The following LRRC4C variants were observed in gnomAD, a reference collection of about 807,000 sequenced individuals.
LRRC4C encodes the protein leucine-rich repeat-containing protein 4C.
A neutral mutation model predicts 33.6 loss-of-function variants in LRRC4C; 5 were observed. The ratio of observed to expected loss-of-function variants is 0.15; its 90% CI spans 0.08 to 0.31. LRRC4C has a LOEUF of 0.31. Among genes scored for constraint, LRRC4C ranks in the 10% least tolerant of loss-of-function variants. The pLI, the probability that LRRC4C is intolerant of heterozygous loss-of-function variation, is 1.00. For missense variants in LRRC4C, 560 were observed against 796.7 expected, an observed-to-expected ratio of 0.70 and a Z score of 3.58; for synonymous variants, 329 against 302.0, an observed-to-expected ratio of 1.09 and a Z score of -0.93.
intron 1 of LRRC4C, among the ~76,000 whole-genome samples, chr11:41,271,093 C>G (rs1298543913): frequency 6.6e-6 from 1 of 152,092 alleles, no homozygotes; most frequent in Admixed American, 6.6e-5. Context: ...GTTACCTTCA[C>G]AGGTACCAGG....
At position 40,356,860 on chromosome 11, in the gene LRRC4C, T is replaced by C. The variant is rs542560668; in HGVS notation, c.-269-37139A>G. On this transcript the variant is annotated intron_variant, in intron 3 of 6. Transcript: ENST00000528697. ...TTAATATATATTTGATTTTTTAAAA[T>C]CACTTGACATGAATTACTTTATACA... Among the ~76,000 whole-genome samples, 11 of 152,296 alleles carry C rather than the reference T, an allele frequency of 7.2e-5. No homozygotes were observed. The South Asian group carries it at 2.1e-3, about 29-fold the overall frequency.
At chr11:40,190,293 C>A (rs1239792692) in intron 5 of LRRC4C, among the ~76,000 whole-genome samples, 1 of 152,164 alleles carries the variant, frequency 6.6e-6, no homozygotes, top group Non-Finnish European at 1.5e-5. Flanking sequence ...ATTGGCTGAT[C>A]ATTAGAAATC....
At chr11:40,919,351 G>C (rs888878863) in intron 2 of LRRC4C, among the ~76,000 whole-genome samples, 1 of 152,126 alleles carries the variant, frequency 6.6e-6, no homozygotes, top group Non-Finnish European at 1.5e-5. Context: ...CTTCCTTCAT[G>C]AAATTAAGAT....
chr11:40,182,903 G>A (rs929757817), intron 5 of LRRC4C, among the ~76,000 whole-genome samples: 4 of 152,148 alleles, frequency 2.6e-5, no homozygotes, highest in Non-Finnish European at 5.9e-5. Flanking sequence ...CATAATAACG[G>A]GAAGAGTTAA....
rs1866905099 is a variant in LRRC4C at position 40,252,964 on chromosome 11, A to C, written c.-175-11366T>G. Among the ~76,000 whole-genome samples the C allele has an allele frequency of 2.0e-5, 3 of 152,190 alleles. No individual in the cohort carries two copies. The South Asian group carries it at 6.2e-4, about 31-fold the overall frequency. On this transcript the variant is annotated intron_variant, in intron 4 of 6. Transcript: ENST00000528697. The stretch of plus-strand genomic sequence containing the variant: ...CCCCATTACAAAATAAAATGTTTGC[A>C]GAGATAAAATTATGGTATCTGGGTG...
Position 41,197,372 on chromosome 11 carries a change from T to C in LRRC4C, c.-496+262059A>G, listed in dbSNP as rs546150172. Among the ~76,000 whole-genome samples, 19 of 152,158 alleles carry C rather than the reference T, an allele frequency of 1.2e-4. No individual in the cohort carries two copies. In the South Asian group the frequency reaches 3.9e-3, roughly 32 times the overall value. ...GAGGAAGACAGGCTTATCATTTTAT[T>C]GGGCTCTGCAACCTGGCTGGTACCA... is the stretch of plus-strand genomic sequence containing the variant. On this transcript the variant is annotated intron_variant, in intron 1 of 6. Coordinates refer to ENST00000528697, the MANE Select transcript of LRRC4C (RefSeq NM_001258419.2).
chr11:41,114,566 C>G (rs1260434614), intron 1 of LRRC4C, among the ~76,000 whole-genome samples: 2 of 151,844 alleles, frequency 1.3e-5, no homozygotes, highest in African/African-American at 4.8e-5. Context: ...AGCACTTTCC[C>G]CCAAAAAATC....
intron 1 of LRRC4C, among the ~76,000 whole-genome samples, chr11:41,144,601 G>T (rs1276430171): frequency 6.6e-6 from 1 of 151,954 alleles, no homozygotes; most frequent in Non-Finnish European, 1.5e-5. Flanking sequence ...TATACATATG[G>T]GGTTTTATGA....
chr11:40,747,461 A>T (rs926378244), intron 2 of LRRC4C, among the ~76,000 whole-genome samples: 2 of 152,176 alleles, frequency 1.3e-5, no homozygotes, highest in Non-Finnish European at 2.9e-5. Flanking sequence ...ATTACACCAG[A>T]TGTATATATA....
intron 3 of LRRC4C, among the ~76,000 whole-genome samples, chr11:40,322,088 C>T (rs966291955): frequency 6.6e-6 from 1 of 151,902 alleles, no homozygotes; most frequent in African/African-American, 2.4e-5. Context: ...ACTCACCAAT[C>T]GATTCACTAA....
rs1954087792 is a variant in LRRC4C, at chr11:40,861,281, G to A, written c.-407+72354C>T. 2.6e-5 allele frequency among the ~76,000 whole-genome samples: 4 copies of A among 152,246 alleles called. No individual in the cohort carries two copies. The South Asian group carries it at 8.3e-4, about 32-fold the overall frequency. ...AGAAGAAGATAGAGGTGTGTGGGAAGTCTTGAACAGAAAGGTGTCAGCTCC... is the reference window on the plus strand; with the variant it reads ...AGAAGAAGATAGAGGTGTGTGGGAAATCTTGAACAGAAAGGTGTCAGCTCC... On this transcript the variant is annotated intron_variant, in intron 2 of 6. Transcript: ENST00000528697.
intron 4 of LRRC4C, among the ~76,000 whole-genome samples, chr11:40,246,471 C>T (rs1474547939): frequency 1.3e-5 from 2 of 152,130 alleles, no homozygotes; most frequent in Non-Finnish European, 2.9e-5. Context: ...CATTTAGATG[C>T]TTCTTTGAGG....
At chr11:41,348,079 A>G (rs1254783413) in intron 1 of LRRC4C, among the ~76,000 whole-genome samples, 2 of 152,222 alleles carry the variant, frequency 1.3e-5, no homozygotes, top group Non-Finnish European at 2.9e-5. Context: ...TGACAGAACG[A>G]AAACTGTAAC....
chr11:41,309,437 G>A (rs1022458253), intron 1 of LRRC4C, among the ~76,000 whole-genome samples: 1 of 152,082 alleles, frequency 6.6e-6, no homozygotes, highest in Non-Finnish European at 1.5e-5. Flanking sequence ...GAGTACTTTC[G>A]GAATTACATA....
At chr11:41,302,857 C>A (rs1478366165) in intron 1 of LRRC4C, among the ~76,000 whole-genome samples, 1 of 152,058 alleles carries the variant, frequency 6.6e-6, no homozygotes, top group Non-Finnish European at 1.5e-5. Flanking sequence ...ACTCCCAAAG[C>A]ATCGTTTCAT....
At chr11:40,603,505 A>G (rs189927262) in intron 3 of LRRC4C, among the ~76,000 whole-genome samples, 4 of 152,346 alleles carry the variant, frequency 2.6e-5, no homozygotes, top group Admixed American at 1.3e-4. Flanking sequence ...TTAACAGAGT[A>G]TATGAAAAAA....
At chr11:40,352,347 G>A (rs1773062123) in intron 3 of LRRC4C, among the ~76,000 whole-genome samples, 1 of 151,756 alleles carries the variant, frequency 6.6e-6, no homozygotes, top group African/African-American at 2.4e-5. Context: ...AATACTAATT[G>A]CAATAACAAA....
Position 41,266,665 on chromosome 11 carries a change from T to G in LRRC4C, c.-496+192766A>C, listed in dbSNP as rs77188779. Among the ~76,000 whole-genome samples the G allele has an allele frequency of 7.2e-4, 109 of 152,212 alleles. 1 individual carries two copies. The highest frequency in any genetic ancestry group is 2.6e-3 in the African/African-American group (107 of 41,562). On this transcript the variant is annotated intron_variant, in intron 1 of 6. Coordinates refer to ENST00000528697, the MANE Select transcript of LRRC4C (RefSeq NM_001258419.2). ...AGATAGACATGCATAAGAAAAAGCT[T>G]TATCTTGATTTTAAAATCCTCTTAA...
chr11:41,174,029 G>T (rs79442081), intron 1 of LRRC4C, among the ~76,000 whole-genome samples: 2 of 151,798 alleles, frequency 1.3e-5, no homozygotes, highest in African/African-American at 4.8e-5. Flanking sequence ...TCAACTACAG[G>T]ATACCTAATC....
Sources: gnomAD v4.1 joint callset for allele counts (sites outside exome capture counted in the v4.1 genomes callset) on GRCh38, gnomAD v4.1.1 for gene constraint, MANE v1.5 for transcripts, NCBI Gene and HGNC (gene_info 2026-07-23, HGNC 2026-07-21) for gene names.